The following CCDC3 variants were observed in gnomAD, a reference collection of about 807,000 sequenced individuals.
The protein encoded by CCDC3 is coiled-coil domain-containing protein 3.
A neutral mutation model predicts 21.4 loss-of-function variants in CCDC3; 24 were observed. The observed-to-expected ratio is 1.12, with a 90% CI of 0.81 to 1.58. The LOEUF is 1.58. Ranked by LOEUF, CCDC3 falls within the 40% of genes most tolerant of loss-of-function variation. The pLI, the probability that CCDC3 is intolerant of heterozygous loss-of-function variation, is 0.00. For synonymous variants in CCDC3, 186 were observed against 166.0 expected (o/e 1.12, Z -0.93); for missense variants, 425 against 360.9 (o/e 1.18, Z -1.44).
chr10:12,960,353 G>C (rs1032323405), intron 2 of CCDC3, among the ~76,000 whole-genome samples: 1 of 152,146 alleles, frequency 6.6e-6, no homozygotes, highest in African/African-American at 2.4e-5. Context: ...GTTTGGGAGA[G>C]ATGGGGAGAA....
chr10:12,990,243 A>G (rs1290708515), intron 2 of CCDC3, among the ~76,000 whole-genome samples: 1 of 149,722 alleles, frequency 6.7e-6, no homozygotes, highest in Non-Finnish European at 1.5e-5. Flanking sequence ...CTGGGCAAAA[A>G]AGCGAGACTC....
intron 2 of CCDC3, among the ~76,000 whole-genome samples, chr10:12,902,761 G>A (rs1834113617): frequency 6.6e-6 from 1 of 152,154 alleles, no homozygotes; most frequent in African/African-American, 2.4e-5. Flanking sequence ...TTCACAGTTA[G>A]CCCTCGACCA....
At chr10:13,041,892 G>A (rs1333461911) in intron 5 of CCDC3, among the ~76,000 whole-genome samples, 1 of 151,928 alleles carries the variant, frequency 6.6e-6, no homozygotes, top group Non-Finnish European at 1.5e-5. Flanking sequence ...CTACCAAAGT[G>A]CTGGGATTAC....
intron 2 of CCDC3, among the ~76,000 whole-genome samples, chr10:12,922,140 TATC>T (rs745641833): frequency 5.9e-5 from 9 of 152,226 alleles, no homozygotes; most frequent in Non-Finnish European, 5.9e-5. Flanking sequence ...CCATTCCTCT[TATC>T]ATCTGTTCAG....
chr10:12,970,533 A>G (rs1835326295), intron 2 of CCDC3, among the ~76,000 whole-genome samples: 1 of 152,216 alleles, frequency 6.6e-6, no homozygotes, highest in African/African-American at 2.4e-5. Context: ...TATATTTAAA[A>G]TCATACTGTA....
At chr10:13,059,744 CT>C (rs1836730683) in intron 4 of CCDC3, among the ~76,000 whole-genome samples, 1 of 152,108 alleles carries the variant, frequency 6.6e-6, no homozygotes, top group Admixed American at 6.6e-5. Flanking sequence ...CCTCATTTCT[CT>C]TGTGCATTCT....
chr10:13,036,047 G>A (rs1334587334), intron 5 of CCDC3, among the ~76,000 whole-genome samples: 1 of 152,200 alleles, frequency 6.6e-6, no homozygotes, highest in African/African-American at 2.4e-5. Context: ...AGGAGGCTGA[G>A]GCAGGGGAAT....
In CCDC3 at chr10:12,975,952, T is replaced by C. The variant is rs147813084; in HGVS notation, c.549+22386A>G. ...CCAAGACACACTCTTCTACACTGCATTGTACTCTCTTGAAGGCAGGAGATG... is the reference window on the plus strand; with the variant it reads ...CCAAGACACACTCTTCTACACTGCACTGTACTCTCTTGAAGGCAGGAGATG... On this transcript the variant is annotated intron_variant, in intron 2 of 2. Transcript: ENST00000378825. Among the ~76,000 whole-genome samples the C allele has an allele frequency of 1.4e-4, 21 of 152,294 alleles. No individual in the cohort carries two copies. In the East Asian group the frequency reaches 3.5e-3, roughly 25 times the overall value.
intron 5 of CCDC3, among the ~76,000 whole-genome samples, chr10:13,023,769 AG>A (rs1247471060): frequency 2.5e-4 from 38 of 152,150 alleles, no homozygotes; most frequent in Non-Finnish European, 1.5e-4. Flanking sequence ...TATCATGTAC[AG>A]AATCTCATCA....
At chr10:12,905,417 C>CT in intron 2 of CCDC3, among the ~76,000 whole-genome samples, 1 of 152,284 alleles carries the variant, frequency 6.6e-6, no homozygotes, top group East Asian at 1.9e-4. Context: ...TCAAGAGGGG[C>CT]TCAAGGCAAA....
chr10:13,059,060 G>T (rs567889520), intron 4 of CCDC3, among the ~76,000 whole-genome samples: 1 of 152,340 alleles, frequency 6.6e-6, no homozygotes, highest in South Asian at 2.1e-4. Flanking sequence ...AAGGGAGTGT[G>T]GCAGACAAAC....
intron 3 of CCDC3, among the ~76,000 whole-genome samples, chr10:13,095,144 GT>G (rs35612400): frequency 0.78 from 118,784 of 152,064 alleles, 47,273 homozygotes; most frequent in Non-Finnish European, 0.87. Flanking sequence ...TCTGTTTTCA[GT>G]TTCTTTGGAG....
At chr10:13,065,008 AT>A (rs1309686725) in intron 4 of CCDC3, among the ~76,000 whole-genome samples, 1 of 152,064 alleles carries the variant, frequency 6.6e-6, no homozygotes, top group Non-Finnish European at 1.5e-5. Flanking sequence ...TCCCTAAGCA[AT>A]TCTCAGCTTG....
At chr10:13,075,196 A>G (rs931885260) in intron 3 of CCDC3, among the ~76,000 whole-genome samples, 5 of 152,154 alleles carry the variant, frequency 3.3e-5, no homozygotes, top group African/African-American at 1.2e-4. Flanking sequence ...CTTTTCCACT[A>G]TGGTTTTCCT....
chr10:13,037,222 C>T (rs547635335), intron 5 of CCDC3, among the ~76,000 whole-genome samples: 15 of 151,990 alleles, frequency 9.9e-5, no homozygotes, highest in Middle Eastern at 3.4e-3. Flanking sequence ...TAATTATCAA[C>T]GTTTTATCAC....
At chr10:13,072,074 G>A (rs547751159) in intron 4 of CCDC3, among the ~76,000 whole-genome samples, 10 of 152,032 alleles carry the variant, frequency 6.6e-5, no homozygotes, top group Non-Finnish European at 1.3e-4. Flanking sequence ...TGGGCTTTTG[G>A]CCTCCCCTCC....
intron 5 of CCDC3, among the ~76,000 whole-genome samples, chr10:13,044,112 T>A (rs1234325691): frequency 2.0e-5 from 3 of 152,224 alleles, no homozygotes; most frequent in Non-Finnish European, 4.4e-5. Context: ...TGATTAGTGA[T>A]GTTGACCATT....
chr10:12,916,486 GT>G (rs1834359476), intron 2 of CCDC3, among the ~76,000 whole-genome samples: 1 of 151,618 alleles, frequency 6.6e-6, no homozygotes, highest in African/African-American at 2.4e-5. Flanking sequence ...TGATAGTATG[GT>G]GGGCTCAAAG....
intron 1 of CCDC3, 35 bp downstream of exon 1, chr10:13,001,162 A>T: frequency 6.5e-7 from 1 of 1,539,212 alleles, no homozygotes; most frequent in Non-Finnish European, 8.8e-7. Flanking sequence ...TGGCGCAGAG[A>T]GAGAGAGAGG....
Sources: gnomAD v4.1 joint callset for allele counts (sites outside exome capture counted in the v4.1 genomes callset) on GRCh38, gnomAD v4.1.1 for gene constraint, MANE v1.5 for transcripts, NCBI Gene and HGNC (gene_info 2026-07-23, HGNC 2026-07-21) for gene names.